SMARCC1: variants seen among roughly 807,000 people sequenced by gnomAD.
The protein encoded by SMARCC1 is SWI/SNF related BAF chromatin remodeling complex subunit C1.
In SMARCC1, 43 loss-of-function variants were observed where a neutral mutation model predicts 147.4. The observed-to-expected ratio is 0.29, with a 90% CI of 0.23 to 0.38. The LOEUF is 0.38. Ranked by LOEUF, SMARCC1 falls within the 10% of genes least tolerant of loss-of-function variation. The pLI is 1.00. For synonymous variants in SMARCC1, 495 were observed against 484.4 expected, an observed-to-expected ratio of 1.02 and a Z score of -0.29; for missense variants, 1,119 against 1,381.1, an observed-to-expected ratio of 0.81 and a Z score of 3.01.
chr3:47,668,460 A>T (rs1302968588), intron 19 of SMARCC1, among the ~76,000 whole-genome samples: 1 of 152,156 alleles, frequency 6.6e-6, no homozygotes, highest in Non-Finnish European at 1.5e-5. Context: ...TATACATTCC[A>T]CTTTGACTAT....
intron 26 of SMARCC1, among the ~76,000 whole-genome samples, chr3:47,600,329 C>G (rs2032363269): frequency 6.6e-6 from 1 of 152,190 alleles, no homozygotes. Flanking sequence ...GAGGTTCCTT[C>G]TGTCAGATGC....
At chr3:47,719,880 C>T (rs2034208213) in intron 7 of SMARCC1, among the ~76,000 whole-genome samples, 2 of 151,948 alleles carry the variant, frequency 1.3e-5, no homozygotes, top group African/African-American at 2.4e-5. Flanking sequence ...GGATTACAGG[C>T]GTGCGCTACC....
intron 25 of SMARCC1, among the ~76,000 whole-genome samples, chr3:47,618,565 G>C (rs932987759): frequency 2.0e-5 from 3 of 151,850 alleles, no homozygotes; most frequent in African/African-American, 7.3e-5. Context: ...AAAGTCAAAA[G>C]AGAAAAAATA....
intron 2 of SMARCC1, among the ~76,000 whole-genome samples, chr3:47,769,223 A>C (rs1160609611): frequency 1.4e-5 from 2 of 147,514 alleles, no homozygotes; most frequent in East Asian, 2.1e-4. Flanking sequence ...AAAAAAAAAA[A>C]AAAAAAAAAA....
chr3:47,708,848 C>G (rs1416589984), intron 9 of SMARCC1, among the ~76,000 whole-genome samples: 1 of 152,180 alleles, frequency 6.6e-6, no homozygotes, highest in Non-Finnish European at 1.5e-5. Context: ...CTACATTGCC[C>G]AGGCTGGTCT....
chr3:47,752,512 G>A (rs2034639920), intron 2 of SMARCC1, among the ~76,000 whole-genome samples: 1 of 152,178 alleles, frequency 6.6e-6, no homozygotes, highest in South Asian at 2.1e-4. Context: ...GCAGCCGGAT[G>A]CAGTGGCTCG....
At chr3:47,714,387 G>GT (rs1559652313) in intron 8 of SMARCC1, 28 bp downstream of exon 8, 1 of 1,381,680 alleles carries the variant, frequency 7.2e-7, no homozygotes, top group Non-Finnish European at 1.0e-6. Context: ...AAAGATTATT[G>GT]TAAGATTTTT....
At chr3:47,653,170 G>A (rs973218204) in intron 21 of SMARCC1, among the ~76,000 whole-genome samples, 1 of 152,168 alleles carries the variant, frequency 6.6e-6, no homozygotes, top group African/African-American at 2.4e-5. Context: ...TGTTAGCCAG[G>A]ATGGTCTCGA....
chr3:47,651,446 G>A (rs574136375), intron 21 of SMARCC1, among the ~76,000 whole-genome samples: 17 of 151,874 alleles, frequency 1.1e-4, no homozygotes, highest in African/African-American at 3.6e-4. Flanking sequence ...CCCACCAATC[G>A]AGCTATTATA....
chr3:47,660,868 T>A (rs2033336405), intron 21 of SMARCC1, among the ~76,000 whole-genome samples: 1 of 152,180 alleles, frequency 6.6e-6, no homozygotes, highest in East Asian at 1.9e-4. Context: ...TTTAAGCAGT[T>A]AAAATGAGGA....
intron 6 of SMARCC1, among the ~76,000 whole-genome samples, chr3:47,722,698 C>A (rs2106812522): frequency 6.6e-6 from 1 of 152,188 alleles, no homozygotes; most frequent in Non-Finnish European, 1.5e-5. Context: ...CGCTCTCTTC[C>A]CAGGTATTAT....
intron 2 of SMARCC1, among the ~76,000 whole-genome samples, chr3:47,758,135 AAAC>A (rs2034724407): frequency 6.6e-6 from 1 of 152,062 alleles, no homozygotes; most frequent in African/African-American, 2.4e-5. Flanking sequence ...AGCTATCGAA[AAAC>A]AACAAGGGTC....
chr3:47,770,668 T>C (rs2034902095), intron 2 of SMARCC1, among the ~76,000 whole-genome samples: 1 of 150,806 alleles, frequency 6.6e-6, no homozygotes, highest in African/African-American at 2.5e-5. Flanking sequence ...CCCGTCTCTA[T>C]CTTTATAAAT....
chr3:47,739,179 T>A (rs189903286), intron 3 of SMARCC1, among the ~76,000 whole-genome samples: 1 of 152,254 alleles, frequency 6.6e-6, no homozygotes, highest in African/African-American at 2.4e-5. Context: ...ACATTAGTCT[T>A]GAGCAATTTG....
At chr3:47,704,548 T>C (rs2033966433) in intron 10 of SMARCC1, among the ~76,000 whole-genome samples, 1 of 152,152 alleles carries the variant, frequency 6.6e-6, no homozygotes, top group Non-Finnish European at 1.5e-5. Flanking sequence ...TCATTATAGT[T>C]GACAGTGCGC....
intron 2 of SMARCC1, among the ~76,000 whole-genome samples, chr3:47,757,202 G>T (rs897648810): frequency 2.6e-5 from 4 of 152,010 alleles, no homozygotes; most frequent in Non-Finnish European, 5.9e-5. Flanking sequence ...AGTGAGCTAT[G>T]ATCAAGGCAA....
intron 21 of SMARCC1, among the ~76,000 whole-genome samples, chr3:47,658,126 C>T (rs2033287579): frequency 6.6e-6 from 1 of 152,040 alleles, no homozygotes; most frequent in African/African-American, 2.4e-5. Context: ...TTTATCTTGT[C>T]TGACTTTAAA....
intron 22 of SMARCC1, among the ~76,000 whole-genome samples, chr3:47,638,336 G>A (rs1236467362): frequency 1.3e-5 from 2 of 151,972 alleles, no homozygotes; most frequent in Admixed American, 1.3e-4. Flanking sequence ...CTTGTAATCC[G>A]CCCACCACAG....
chr3:47,624,686 C>CTT (rs1380875237), intron 24 of SMARCC1, among the ~76,000 whole-genome samples: 7 of 152,012 alleles, frequency 4.6e-5, no homozygotes, highest in African/African-American at 1.7e-4. Context: ...AGATAAAGAC[C>CTT]TTAGATTCAA....
Sources: allele counts gnomAD v4.1 joint callset (sites outside exome capture counted in the v4.1 genomes callset), GRCh38; gene constraint gnomAD v4.1.1; transcripts MANE v1.5; gene names NCBI Gene and HGNC (gene_info 2026-07-23, HGNC 2026-07-21).